PSD3: variants seen among roughly 807,000 people sequenced by gnomAD.
PSD3 encodes the protein pleckstrin and Sec7 domain containing 3, also known as PH and SEC7 domain-containing protein 3.
In PSD3, 49 loss-of-function variants were observed where a neutral mutation model predicts 105.5. That is an observed-to-expected ratio of 0.46 (90% CI 0.37 to 0.59). The LOEUF (loss-of-function observed/expected upper bound fraction) is 0.59. Among genes scored for constraint, PSD3 ranks in the 20% least tolerant of loss-of-function variants. The pLI is 0.00. For missense variants in PSD3, 1,561 were observed against 1,263.8 expected, an observed-to-expected ratio of 1.24 and a Z score of -3.57; for synonymous variants, 557 against 457.8, an observed-to-expected ratio of 1.22 and a Z score of -2.77.
chr8:18,705,707 T>C (rs2129419135), intron 9 of PSD3, among the ~76,000 whole-genome samples: 1 of 152,252 alleles, frequency 6.6e-6, no homozygotes, highest in East Asian at 1.9e-4. Context: ...TCTATATCTA[T>C]ATTAAAAAAG....
intron 11 of PSD3, among the ~76,000 whole-genome samples, chr8:18,630,355 T>C (rs1055283642): frequency 2.0e-5 from 3 of 151,960 alleles, no homozygotes; most frequent in Non-Finnish European, 2.9e-5. Flanking sequence ...GTTCTGTATC[T>C]ATATTCATAT....
intron 4 of PSD3, among the ~76,000 whole-genome samples, chr8:18,860,055 A>T (rs559170884): frequency 2.6e-5 from 4 of 152,288 alleles, no homozygotes; most frequent in Admixed American, 2.6e-4. Flanking sequence ...TTAAAGTGAG[A>T]GACATGAGAT....
At chr8:18,627,083 CA>C (rs1331228283) in intron 11 of PSD3, among the ~76,000 whole-genome samples, 2 of 151,974 alleles carry the variant, frequency 1.3e-5, no homozygotes, top group African/African-American at 4.8e-5. Flanking sequence ...GTATATAAAA[CA>C]AAACTTTTTA....
At chr8:18,616,628 C>CTATTTTTT (rs1805695105) in intron 11 of PSD3, among the ~76,000 whole-genome samples, 2 of 126,776 alleles carry the variant, frequency 1.6e-5, no homozygotes, top group Non-Finnish European at 3.3e-5. Context: ...CTTTTCTTTT[C>CTATTTTTT]TTTTTTTTTT....
chr8:18,759,758 AC>A (rs146107135), intron 9 of PSD3, among the ~76,000 whole-genome samples: 8,989 of 151,956 alleles, frequency 0.059, 429 homozygotes, highest in East Asian at 0.21. Flanking sequence ...CTGACCTTCC[AC>A]CCTTTATGTT....
At chr8:18,968,968 T>C (rs927868790) in intron 1 of PSD3, among the ~76,000 whole-genome samples, 2 of 149,778 alleles carry the variant, frequency 1.3e-5, no homozygotes, top group Middle Eastern at 3.5e-3. Context: ...CAGTGGGGGA[T>C]ATGAAGACAA....
chr8:18,967,573 G>A (rs947640336), intron 1 of PSD3, among the ~76,000 whole-genome samples: 1 of 152,150 alleles, frequency 6.6e-6, no homozygotes, highest in Non-Finnish European at 1.5e-5. Context: ...TACCAGACTT[G>A]CCCTGCTGAA....
intron 1 of PSD3, among the ~76,000 whole-genome samples, chr8:18,942,031 A>T (rs1484416181): frequency 6.6e-6 from 1 of 152,198 alleles, no homozygotes; most frequent in Non-Finnish European, 1.5e-5. Context: ...AAGACGAAGC[A>T]GAAAGCTACA....
intron 4 of PSD3, among the ~76,000 whole-genome samples, chr8:18,823,476 G>C (rs1812915133): frequency 6.6e-6 from 1 of 152,114 alleles, no homozygotes; most frequent in Non-Finnish European, 1.5e-5. Context: ...ATTCACTAGA[G>C]GTATGAAAAG....
intron 9 of PSD3, among the ~76,000 whole-genome samples, chr8:18,679,725 C>T (rs886833308): frequency 6.6e-6 from 1 of 152,148 alleles, no homozygotes; most frequent in Non-Finnish European, 1.5e-5. Context: ...CGCCAGGATG[C>T]GGCATCCTGA....
At chr8:18,966,241 C>T (rs73588669) in intron 1 of PSD3, among the ~76,000 whole-genome samples, 1 of 152,076 alleles carries the variant, frequency 6.6e-6, no homozygotes, top group East Asian at 1.9e-4. Flanking sequence ...CCACTTCTCA[C>T]AGAGTTTCCA....
At chr8:18,950,115 A>C (rs1426595703) in intron 1 of PSD3, among the ~76,000 whole-genome samples, 1 of 152,186 alleles carries the variant, frequency 6.6e-6, no homozygotes, top group Non-Finnish European at 1.5e-5. Flanking sequence ...CGATACTCAT[A>C]CTACCTGCAA....
chr8:18,954,603 T>C (rs1191826542), intron 1 of PSD3, among the ~76,000 whole-genome samples: 1 of 152,162 alleles, frequency 6.6e-6, no homozygotes, highest in African/African-American at 2.4e-5. Context: ...CAAGGGACAC[T>C]GTCTATCATA....
intron 2 of PSD3, among the ~76,000 whole-genome samples, chr8:18,888,344 GC>G (rs1421319368): frequency 6.6e-6 from 1 of 152,148 alleles, no homozygotes; most frequent in Non-Finnish European, 1.5e-5. Flanking sequence ...TTATCTCTGA[GC>G]TAGAGATGTT....
At chr8:18,539,608 C>CGCGATCTCGGCTCACTGCAACCTCT (rs1563301891) in intron 15 of PSD3, among the ~76,000 whole-genome samples, 2 of 143,722 alleles carry the variant, frequency 1.4e-5, no homozygotes, top group African/African-American at 2.6e-5. Context: ...AGGGCAGTGG[C>CGCGATCTCGGCTCACTGCAACCTCT]GCGATCTCGG....
chr8:18,557,006 T>C (rs1801121741), intron 14 of PSD3, among the ~76,000 whole-genome samples: 1 of 152,244 alleles, frequency 6.6e-6, no homozygotes, highest in Admixed American at 6.5e-5. Context: ...AGTAGCATTA[T>C]TATAGGTACC....
At chr8:18,694,407 G>A (rs1801147141) in intron 9 of PSD3, among the ~76,000 whole-genome samples, 1 of 152,118 alleles carries the variant, frequency 6.6e-6, no homozygotes, top group Non-Finnish European at 1.5e-5. Flanking sequence ...TCAGCAGATC[G>A]AGACCATCCT....
At chr8:19,041,841 T>C (rs1022940816) in intron 1 of PSD3, among the ~76,000 whole-genome samples, 1 of 152,228 alleles carries the variant, frequency 6.6e-6, no homozygotes, top group Non-Finnish European at 1.5e-5. Context: ...TTGCTAATAT[T>C]ATTTCAAAAC....
At chr8:18,640,012 G>T (rs1206126147) in intron 10 of PSD3, among the ~76,000 whole-genome samples, 2 of 152,130 alleles carry the variant, frequency 1.3e-5, no homozygotes, top group African/African-American at 4.8e-5. Context: ...GCCATGCAAA[G>T]CCTGTCCAGG....
Sources: gnomAD v4.1 joint callset for allele counts (sites outside exome capture counted in the v4.1 genomes callset) on GRCh38, gnomAD v4.1.1 for gene constraint, MANE v1.5 for transcripts, NCBI Gene and HGNC (gene_info 2026-07-23, HGNC 2026-07-21) for gene names.